Variants in MEFV observed in about 807,000 individuals in gnomAD.
MEFV encodes the protein MEFV innate immunity regulator, pyrin.
Under a neutral mutation model 62.5 loss-of-function variants are expected in MEFV, and 60 were observed. The ratio of observed to expected loss-of-function variants is 0.96; its 90% CI spans 0.78 to 1.19. MEFV has a LOEUF of 1.19. MEFV is among the 50% of genes most tolerant of loss of function. The probability of loss-of-function intolerance (pLI) is 0.00; values close to 1 mark genes in which losing one functional copy is unlikely to be tolerated. For synonymous variants in MEFV, 500 were observed against 415.2 expected (o/e 1.20, Z -2.48); for missense variants, 1,169 against 1,004.5 (o/e 1.16, Z -2.21).
In MEFV at chr16:3,254,629, G is replaced by C. The variant is rs876660991; in HGVS notation, c.439C>G (p.Pro147Ala). 3.7e-6 allele frequency: 6 copies of C among 1,605,364 alleles called. No homozygotes were observed. Among genetic ancestry groups the C allele is most frequent in the Non-Finnish European group, 5.1e-6 (6 of 1,177,554 alleles). The change falls in exon 2 of 10, where the codon CCC becomes GCC. Residue 147 changes from proline to alanine, a missense_variant. Transcript: ENST00000219596. ...GGAASLRCSQ[P>A]EAGRGLSRKP... ...CTCGACAGCCCCCTCCCGGCCTCGG[G>C]CTGGCTGCACCGCAGGCTGGCAGCT...
chr16:3,247,299 G>A (rs1229066709), intron 4 of MEFV, 53 bp from the exon 5 acceptor site: 2 of 1,535,750 alleles, frequency 1.3e-6, no homozygotes, highest in South Asian at 1.1e-5. Flanking sequence ...GGTGGACGTG[G>A]ATGTCCAGGA....
At chr16:3,246,433 G>A in intron 6 of MEFV, 92 bp downstream of exon 6, 2 of 1,479,046 alleles carry the variant, frequency 1.4e-6, no homozygotes, top group Non-Finnish European at 1.9e-6. Context: ...CCCGGGGTTG[G>A]GAACATCTCC....
chr16:3,253,880 G>T (rs939185665), intron 2 of MEFV, among the ~76,000 whole-genome samples: 1 of 152,122 alleles, frequency 6.6e-6, no homozygotes, highest in African/African-American at 2.4e-5. Flanking sequence ...GGAACTCCTG[G>T]GGTCAAGAGA....
At chr16:3,254,123 G>A in intron 2 of MEFV, 35 bp downstream of exon 2, 1 of 1,608,568 alleles carries the variant, frequency 6.2e-7, no homozygotes, top group Non-Finnish European at 8.5e-7. Flanking sequence ...TTCTTTCTCT[G>A]CAGCCGATAT....
chr16:3,243,804 G>A (rs1958897768), intron 9 of MEFV, 56 bp downstream of exon 9: 2 of 1,608,844 alleles, frequency 1.2e-6, no homozygotes, highest in African/African-American at 2.7e-5. Context: ...AACGTGGTAG[G>A]GGAGAGCACA....
At position 3,244,313 on chromosome 16, in the gene MEFV, G is replaced by A. The variant is rs543724764; in HGVS notation, c.1727-27C>T. The A allele has an allele frequency of 3.2e-5, 52 of 1,614,004 alleles. No individual in the cohort carries two copies. In the South Asian group the frequency reaches 5.7e-4, roughly 18 times the overall value. ...TAAAATGTGGGAAAGGGAGCAGAGA[G>A]AAGCTGGAGTTAGGTCCCTCAGCCA... On this transcript the variant is annotated intron_variant, in intron 7 of 9. Transcript: ENST00000219596.
At chr16:3,243,772 A>G (rs1958897468) in intron 9 of MEFV, 78 bp from the exon 10 acceptor site, 6 of 1,608,820 alleles carry the variant, frequency 3.7e-6, no homozygotes, top group Middle Eastern at 1.6e-4. Flanking sequence ...TGCAGGAAAC[A>G]GGGACAGGGT....
intron 1 of MEFV, 150 bp from the exon 2 acceptor site, chr16:3,254,940 CG>C: frequency 2.3e-6 from 3 of 1,328,656 alleles, no homozygotes; most frequent in Non-Finnish European, 3.1e-6. Flanking sequence ...CCTGTATTCC[CG>C]GCACTCTGGG....
intron 6 of MEFV, among the ~76,000 whole-genome samples, chr16:3,245,819 T>C (rs1258392992): frequency 6.6e-6 from 1 of 152,142 alleles, no homozygotes; most frequent in Non-Finnish European, 1.5e-5. Flanking sequence ...GCAGTTCCAC[T>C]TCTGGGTAGG....
At chr16:3,247,337 G>T (rs1958957884) in intron 4 of MEFV, 91 bp from the exon 5 acceptor site, 1 of 1,124,574 alleles carries the variant, frequency 8.9e-7, no homozygotes, top group Non-Finnish European at 1.3e-6. Flanking sequence ...TCCTGGAGGT[G>T]GATAAGAGGT....
At chr16:3,244,629 G>C (rs1958911973) in intron 6 of MEFV, 41 bp from the exon 7 acceptor site, 1 of 1,502,524 alleles carries the variant, frequency 6.7e-7, no homozygotes, top group Non-Finnish European at 9.2e-7. Flanking sequence ...GCCGGAGCGA[G>C]GGGGTGGCCC....
In MEFV at chr16:3,242,824, A is replaced by C; in HGVS notation, c.*317T>G. The C allele has an allele frequency of 2.3e-6, 1 of 428,364 alleles. No homozygotes were observed. The highest frequency in any genetic ancestry group is 2.1e-5 in the South Asian group (1 of 47,300). The allele number at this position is 428,364 out of a possible 1,614,324, so 26.5% of individuals were successfully genotyped here. A position where few individuals can be genotyped will look rare whatever the true frequency, so the allele number is the denominator to read the frequency against. On this transcript the variant is annotated 3_prime_UTR_variant, in exon 10 of 10. Transcript: ENST00000219596. ...CATATATCCTTGCCGTGGGGTTCTG[A>C]GGGAAAATGAGGGCCAAATCTTCTG...
intron 1 of MEFV, among the ~76,000 whole-genome samples, chr16:3,255,407 C>T (rs564607615): frequency 6.6e-6 from 1 of 152,096 alleles, no homozygotes; most frequent in South Asian, 2.1e-4. Flanking sequence ...GTATTTCTCT[C>T]TCTCTTATTT....
rs1190369014 is a variant in MEFV at position 3,254,210 on chromosome 16, C to T, written c.858G>A (p.Gly286=). 2 of 1,614,144 alleles carry T rather than the reference C, an allele frequency of 1.2e-6. No homozygotes were observed. The highest frequency in any genetic ancestry group is 2.7e-5 in the African/African-American group (2 of 74,946). The change falls in exon 2 of 10, where the codon GGG becomes GGA. Residue 286 remains glycine (G), a synonymous_variant. Transcript: ENST00000219596. Reference sequence around the variant, plus strand: ...GGCCTTCCTTCAGGTCCGCAGATGCCCCTCCATCCGGAGTGGGCCTTGCCC... The same window carrying T: ...GGCCTTCCTTCAGGTCCGCAGATGCTCCTCCATCCGGAGTGGGCCTTGCCC... The part of the protein sequence containing the change: ...EPRARPTPDG[G]ASADLKEGPG...
chr16:3,246,584 C>A, intron 5 of MEFV, 37 bp from the exon 6 acceptor site: 1 of 1,613,780 alleles, frequency 6.2e-7, no homozygotes, highest in Non-Finnish European at 8.5e-7. Flanking sequence ...GGTTACCAGG[C>A]TCCTAGTGGC....
rs576730298 is a variant in MEFV, at chr16:3,254,705, T to C, written c.363A>G (p.Pro121=). 6.2e-7 allele frequency: 1 copy of C among 1,612,820 alleles called. No individual in the cohort carries two copies. The highest frequency in any genetic ancestry group is 2.2e-5 in the East Asian group (1 of 44,882). ...GENKPRSLKT[P]DHPEGNEGNG... ...TCCCCTCGTTCCCCTCGGGGTGGTC[T>C]GGAGTCTTCAGGCTCCTGGGCTTGT... is the stretch of plus-strand genomic sequence containing the variant. The change falls in exon 2 of 10, where the codon CCA becomes CCG. Residue 121 remains proline (P), a synonymous_variant. Coordinates refer to ENST00000219596, the MANE Select transcript of MEFV (RefSeq NM_000243.3).
Position 3,244,579 on chromosome 16 carries a change from T to G in MEFV, c.1620A>C (p.Thr540=), listed in dbSNP as rs569998874. The change falls in exon 7 of 10, where the codon ACA becomes ACC. Residue 540 remains threonine, a synonymous_variant. Coordinates refer to ENST00000219596, the MANE Select transcript of MEFV (RefSeq NM_000243.3). ...DIGDILHRAK[T]VPVPEKWTTP... is the part of the protein sequence containing the mutation. ...TGGTCCACTTTTCAGGGACAGGCAC[T>G]GTCTTAGCCCTAGAGACAAAAGACT... 2 of 1,613,592 alleles carry G rather than the reference T, an allele frequency of 1.2e-6. No individual in the cohort carries two copies. Among genetic ancestry groups the G allele is most frequent in the African/African-American group, 2.7e-5 (2 of 75,030 alleles).
At chr16:3,245,716 C>T (rs1958932815) in intron 6 of MEFV, among the ~76,000 whole-genome samples, 1 of 152,028 alleles carries the variant, frequency 6.6e-6, no homozygotes, top group African/African-American at 2.4e-5. Flanking sequence ...CCCCTGTGTG[C>T]TGCTGGTGGG....
intron 4 of MEFV, chr16:3,247,860 G>A (rs970302204): frequency 6.6e-6 from 1 of 151,796 alleles, no homozygotes; most frequent in Admixed American, 6.5e-5. Context: ...CTTCAACTGG[G>A]GAGGCGAAGG....
Sources: allele counts gnomAD v4.1 joint callset (sites outside exome capture counted in the v4.1 genomes callset), GRCh38; gene constraint gnomAD v4.1.1; transcripts MANE v1.5; gene names NCBI Gene and HGNC (gene_info 2026-07-23, HGNC 2026-07-21).